The following ANKRD46 variants were observed in gnomAD, a reference collection of about 807,000 sequenced individuals.
The protein encoded by ANKRD46 is ankyrin repeat domain-containing protein 46.
In ANKRD46, 13 loss-of-function variants were observed where a neutral mutation model predicts 19.8. That is an observed-to-expected ratio of 0.66 (90% CI 0.43 to 1.04). The LOEUF (loss-of-function observed/expected upper bound fraction) is 1.04. Ranked by LOEUF, ANKRD46 falls within the 50% of genes least tolerant of loss-of-function variation. The pLI is 0.00. For missense variants in ANKRD46, 185 were observed against 274.8 expected, an observed-to-expected ratio of 0.67 and a Z score of 2.31; for synonymous variants, 91 against 106.9, an observed-to-expected ratio of 0.85 and a Z score of 0.92.
intron 1 of ANKRD46, among the ~76,000 whole-genome samples, chr8:100,547,631 GAAT>G (rs771903942): frequency 6.6e-6 from 1 of 152,038 alleles, no homozygotes; most frequent in Non-Finnish European, 1.5e-5. Context: ...CAAAAAAATA[GAAT>G]AAAATAAAAC....
rs375055217 is a variant in ANKRD46, at chr8:100,545,756, G to C, written c.-130-12445C>G. Among the ~76,000 whole-genome samples the C allele has an allele frequency of 1.3e-5, 2 of 152,176 alleles. No homozygotes were observed. Among genetic ancestry groups the C allele is most frequent in the East Asian group, 3.8e-4 (2 of 5,200 alleles). On this transcript the variant is annotated intron_variant, in intron 1 of 4. Transcript: ENST00000335659. The surrounding 1 kb of genome is among the most constrained non-coding windows in gnomAD (Gnocchi z 4.7). ...GAACTTCCTAGAGCCTTGCTGAATGGTTTTGACCAAAATGCTGATAGTGAT... is the reference window on the plus strand; with the variant it reads ...GAACTTCCTAGAGCCTTGCTGAATGCTTTTGACCAAAATGCTGATAGTGAT...
In ANKRD46 at chr8:100,545,389, T is replaced by A. The variant is rs1374356442; in HGVS notation, c.-130-12078A>T. Reference sequence around the variant, plus strand: ...ATGATAGTGAGGGAGGGCTCATAAATAAGATCAGACGGTTTTAAAATTGGT... The same window carrying A: ...ATGATAGTGAGGGAGGGCTCATAAAAAAGATCAGACGGTTTTAAAATTGGT... On this transcript the variant is annotated intron_variant, in intron 1 of 4. Coordinates refer to ENST00000335659, the MANE Select transcript of ANKRD46 (RefSeq NM_001270377.2). The surrounding 1 kb of genome is among the most constrained non-coding windows in gnomAD (Gnocchi z 4.7). Among the ~76,000 whole-genome samples the A allele has an allele frequency of 6.6e-6, 1 of 152,092 alleles. No individual in the cohort carries two copies. The highest frequency in any genetic ancestry group is 1.5e-5 in the Non-Finnish European group (1 of 67,986).
chr8:100,528,390 A>T lies in ANKRD46; in HGVS notation c.312-387T>A, dbSNP rs181651020. ...TCTATTTTTTTCTGAATTGTACTAT[A>T]GAAAGTGTTTATGAAGAACAAATCA... On this transcript the variant is annotated intron_variant, in intron 3 of 4. Coordinates refer to ENST00000335659, the MANE Select transcript of ANKRD46 (RefSeq NM_001270377.2). Among the ~76,000 whole-genome samples the T allele has an allele frequency of 6.3e-3, 964 of 152,330 alleles. 9 individuals carry two copies. The highest frequency in any genetic ancestry group is 0.01 in the Non-Finnish European group (714 of 68,036).
chr8:100,551,178 A>C (rs1007480534), intron 1 of ANKRD46: 1 of 440,420 alleles, frequency 2.3e-6, no homozygotes, highest in African/African-American at 2.0e-5. Flanking sequence ...CAGGAGTGGC[A>C]GCATGGATTG....
At chr8:100,520,270 A>G (rs1259486460), downstream of ANKRD46, among the ~76,000 whole-genome samples, 2 of 152,194 alleles carry the variant, frequency 1.3e-5, no homozygotes, top group African/African-American at 4.8e-5. Flanking sequence ...AAAATTTAGT[A>G]ATGTCCTGCT....
At chr8:100,513,136 A>G (rs1811574622) in intron 5 of ANKRD46, among the ~76,000 whole-genome samples, 1 of 152,240 alleles carries the variant, frequency 6.6e-6, no homozygotes, top group African/African-American at 2.4e-5. Context: ...TGAGTTGACC[A>G]TAAGAAGCTG....
At chr8:100,528,656 GA>G (rs1230835836) in intron 3 of ANKRD46, among the ~76,000 whole-genome samples, 1 of 151,246 alleles carries the variant, frequency 6.6e-6, no homozygotes, top group East Asian at 1.9e-4. Flanking sequence ...AAAAGTCTAA[GA>G]AAAAAATGTC....
At chr8:100,547,716 T>C (rs1050812833) in intron 1 of ANKRD46, among the ~76,000 whole-genome samples, 3 of 152,202 alleles carry the variant, frequency 2.0e-5, no homozygotes, top group Non-Finnish European at 4.4e-5. Flanking sequence ...AATATCTCCC[T>C]AGAAACCCTG....
rs1307135068 is a variant in ANKRD46 at position 100,522,687 on chromosome 8, C to T, written c.555G>A (p.Glu185=). The change falls in exon 5 of 5, where the codon GAG becomes GAA. Residue 185 remains glutamate (E), a synonymous_variant. Transcript: ENST00000335659. The part of the protein sequence containing the change: ...VLSSFRTTWQ[E]FVEDLGFWRV... ...TCCAGAAGCCCAGATCCTCCACAAA[C>T]TCCTGCCACGTGGTTCGGAAGCTGG... 6.2e-7 allele frequency: 1 copy of T among 1,614,036 alleles called. No individual in the cohort carries two copies. Among genetic ancestry groups the T allele is most frequent in the East Asian group, 2.2e-5 (1 of 44,894 alleles).
In ANKRD46 at chr8:100,520,879, GCTATATA is replaced by G. The variant is rs1354503313; in HGVS notation, c.*1669_*1675del. On this transcript the variant is annotated 3_prime_UTR_variant, in exon 5 of 5. Transcript: ENST00000335659. The stretch of plus-strand genomic sequence containing the variant: ...AAAGGAACCATTAATCTTTAAAAAT[GCTATATA>G]CTTACATTTTGACCAATTTTGCATA... The G allele has an allele frequency of 4.1e-6, 4 of 984,070 alleles. No individual in the cohort carries two copies. The highest frequency in any genetic ancestry group is 4.8e-6 in the Non-Finnish European group (4 of 829,002). 61.0% of individuals were successfully genotyped at this position (984,070 alleles called of 1,614,324 possible). A position where few individuals can be genotyped will look rare whatever the true frequency, so the allele number is the denominator to read the frequency against.
At chr8:100,531,220 A>G (rs1013270564) in intron 2 of ANKRD46, among the ~76,000 whole-genome samples, 3 of 152,270 alleles carry the variant, frequency 2.0e-5, no homozygotes, top group African/African-American at 7.2e-5. Context: ...GCTTTTCTAG[A>G]GATGGCTTTT....
At chr8:100,514,829 G>A (rs188418890) in intron 5 of ANKRD46, among the ~76,000 whole-genome samples, 41 of 151,746 alleles carry the variant, frequency 2.7e-4, no homozygotes, top group Middle Eastern at 3.4e-3. Context: ...TAGTAGAGAT[G>A]GGGTTTCACC....
rs1181369715 is a variant in ANKRD46, at chr8:100,511,842, T to C, written c.637-1203A>G. On this transcript the variant is annotated intron_variant, in intron 5 of 5. Coordinates refer to the ANKRD46 transcript ENST00000520552. The surrounding 1 kb of genome is among the most constrained non-coding windows in gnomAD (Gnocchi z 4.1). ...AGTTCGAGACCAGCCTGGCCAACAA[T>C]GGTGAAACGCCATCTCTACTAAAAA... Among the ~76,000 whole-genome samples, 2 of 152,136 alleles carry C rather than the reference T, an allele frequency of 1.3e-5. No homozygotes were observed. Among genetic ancestry groups the C allele is most frequent in the South Asian group, 2.1e-4 (1 of 4,822 alleles).
At chr8:100,548,790 A>G (rs1325200322) in intron 1 of ANKRD46, among the ~76,000 whole-genome samples, 1 of 152,264 alleles carries the variant, frequency 6.6e-6, no homozygotes, top group African/African-American at 2.4e-5. Context: ...AAAAATGTAT[A>G]GCAAAAATGG....
In ANKRD46 at chr8:100,534,044, T is replaced by C. The variant is rs80097630; in HGVS notation, c.-130-733A>G. Reference sequence around the variant, plus strand: ...GGGCAGGCAGTAAGGACCACAAAAATAGCAATATTAGTTCATGAAACAAAC... The same window carrying C: ...GGGCAGGCAGTAAGGACCACAAAAACAGCAATATTAGTTCATGAAACAAAC... On this transcript the variant is annotated intron_variant, in intron 1 of 4. Transcript: ENST00000335659. The surrounding 1 kb of genome is among the most constrained non-coding windows in gnomAD (Gnocchi z 4.2). Among the ~76,000 whole-genome samples, 6,498 of 152,268 alleles carry C rather than the reference T, an allele frequency of 0.043. 239 individuals carry two copies. The highest frequency in any genetic ancestry group is 0.14 in the East Asian group (736 of 5,186).
chr8:100,555,015 C>CA lies in ANKRD46; in HGVS notation c.-131+4695dup, dbSNP rs199686994. Among the ~76,000 whole-genome samples, 821 of 105,702 alleles carry CA rather than the reference C, an allele frequency of 7.8e-3. 3 individuals are homozygous for CA. Among genetic ancestry groups the CA allele is most frequent in the Middle Eastern group, 0.037 (7 of 188 alleles). 69.3% of individuals were successfully genotyped at this position (105,702 alleles called of 152,430 possible). A position where few individuals can be genotyped will look rare whatever the true frequency, so the allele number is the denominator to read the frequency against. ...GGGTGATAGAGTGAGACTCCATCTC[C>CA]AAAAAAAAAAAAAAAGTACTTATCA... On this transcript the variant is annotated intron_variant, in intron 1 of 4. Transcript: ENST00000335659.
chr8:100,540,071 T>C lies in ANKRD46; in HGVS notation c.-130-6760A>G, dbSNP rs144650679. On this transcript the variant is annotated intron_variant, in intron 1 of 4. Coordinates refer to ENST00000335659, the MANE Select transcript of ANKRD46 (RefSeq NM_001270377.2). ...GCTTGGCAACATTTGAGATACACAG[T>C]ATTCTACATTTATTAAGTTATACTG... 6.6e-5 allele frequency among the ~76,000 whole-genome samples: 10 copies of C among 152,336 alleles called. No homozygotes were observed. In the East Asian group the frequency reaches 1.9e-3, roughly 29 times the overall value.
At chr8:100,538,454 T>A (rs866760525) in intron 1 of ANKRD46, among the ~76,000 whole-genome samples, 2 of 152,190 alleles carry the variant, frequency 1.3e-5, no homozygotes, top group African/African-American at 2.4e-5. Flanking sequence ...AACCTAGAGA[T>A]TATTTAAAGT....
chr8:100,550,965 C>A lies in ANKRD46; in HGVS notation c.-131+8746G>T. 1 of 576,134 alleles carries A rather than the reference C, an allele frequency of 1.7e-6. No homozygotes were observed. The allele number at this position is 576,134 out of a possible 1,614,324, so 35.7% of individuals were successfully genotyped here. On this transcript the variant is annotated intron_variant, in intron 1 of 4. Transcript: ENST00000335659. This position sits in a 1 kb window ranked among gnomAD's most constrained non-coding sequence, Gnocchi z 4.4. Reference sequence around the variant, plus strand: ...ACCTTTTTGATGTCATCATATTTGGCAGGTTTCTCCAGATGGCAGGTCAGG... The same window carrying A: ...ACCTTTTTGATGTCATCATATTTGGAAGGTTTCTCCAGATGGCAGGTCAGG...
Sources: allele counts gnomAD v4.1 joint callset (sites outside exome capture counted in the v4.1 genomes callset), GRCh38; gene constraint gnomAD v4.1.1; non-coding constraint Gnocchi (gnomAD v3.1); transcripts MANE v1.5; gene names NCBI Gene and HGNC (gene_info 2026-07-23, HGNC 2026-07-21).